DOCK8: variants seen among roughly 807,000 people sequenced by gnomAD.
DOCK8 encodes the protein dedicator of cytokinesis 8, also known as dedicator of cytokinesis protein 8.
DOCK8 carries 141 observed loss-of-function variants against 245.6 expected under a neutral mutation model. The ratio of observed to expected loss-of-function variants is 0.57; its 90% CI spans 0.50 to 0.66. The LOEUF is 0.66. DOCK8 is among the 30% of genes least tolerant of loss of function. The probability of loss-of-function intolerance (pLI) is 0.00; values close to 1 mark genes in which losing one functional copy is unlikely to be tolerated. For missense variants in DOCK8, 2,965 were observed against 2,603.4 expected (o/e 1.14, Z -3.02); for synonymous variants, 1,168 against 970.2 (o/e 1.20, Z -3.79).
chr9:348,464 G>A (rs774881577), intron 14 of DOCK8, among the ~76,000 whole-genome samples: 7 of 152,156 alleles, frequency 4.6e-5, no homozygotes, highest in Admixed American at 1.3e-4. Flanking sequence ...TAAAAGTCCT[G>A]CGGTCGGTTT....
At chr9:329,563 A>G (rs1011085140) in intron 9 of DOCK8, among the ~76,000 whole-genome samples, 1 of 152,220 alleles carries the variant, frequency 6.6e-6, no homozygotes, top group Non-Finnish European at 1.5e-5. Flanking sequence ...AGACACTTCT[A>G]TTGTTGTCAA....
chr9:302,221 C>T (rs559826768), intron 4 of DOCK8, among the ~76,000 whole-genome samples: 7 of 152,242 alleles, frequency 4.6e-5, no homozygotes, highest in Admixed American at 2.6e-4. Context: ...TGATCTTTGA[C>T]GAAGTTGACA....
chr9:459,358 G>T (rs1034886095), intron 46 of DOCK8, among the ~76,000 whole-genome samples: 2 of 152,122 alleles, frequency 1.3e-5, no homozygotes, highest in Non-Finnish European at 2.9e-5. Context: ...CATTATAAAA[G>T]TTTAAAGACA....
chr9:337,704 G>A (rs1444991607), intron 12 of DOCK8, among the ~76,000 whole-genome samples: 2 of 152,170 alleles, frequency 1.3e-5, no homozygotes, highest in African/African-American at 4.8e-5. Flanking sequence ...GAGACAGAAA[G>A]TAGAATGACG....
chr9:346,015 G>A (rs1053606291), intron 14 of DOCK8, among the ~76,000 whole-genome samples: 23 of 151,924 alleles, frequency 1.5e-4, no homozygotes, highest in Admixed American at 1.3e-3. Flanking sequence ...CCAAACCAGC[G>A]GCTCGGGCCC....
intron 14 of DOCK8, chr9:366,553 G>C (rs936274541): frequency 6.6e-6 from 1 of 152,136 alleles, no homozygotes; most frequent in Non-Finnish European, 1.5e-5. Context: ...CTGTGACTAG[G>C]TAAGTTTATC....
chr9:336,741 GTCTGGATTTTTCCCCATACT>G, intron 12 of DOCK8, 23 bp downstream of exon 12: 1 of 1,613,782 alleles, frequency 6.2e-7, no homozygotes, highest in Non-Finnish European at 8.5e-7. Flanking sequence ...ATTACAGTGT[GTCTGGATTTTTCCCCATACT>G]GGCATGGGCA....
At chr9:399,010 T>C in intron 25 of DOCK8, 136 bp from the exon 26 acceptor site, 1 of 749,410 alleles carries the variant, frequency 1.3e-6, no homozygotes, top group Non-Finnish European at 2.3e-6. Context: ...GAGACTCAAC[T>C]ACTTCGCCCA....
At chr9:392,781 A>G (rs1554689535) in intron 24 of DOCK8, among the ~76,000 whole-genome samples, 1 of 152,152 alleles carries the variant, frequency 6.6e-6, no homozygotes, top group Non-Finnish European at 1.5e-5. Flanking sequence ...GGACTGGGCC[A>G]TAAGACCCAT....
intron 45 of DOCK8, 26 bp from the exon 46 acceptor site, chr9:451,973 ATATATTTTTTTT>A (rs762646543): frequency 6.4e-4 from 238 of 369,504 alleles, no homozygotes; most frequent in African/African-American, 4.5e-3. Flanking sequence ...ATATATATAT[ATATATTTTTTTT>A]TTTTTTTTTT....
At chr9:413,325 A>G (rs977149053) in intron 28 of DOCK8, among the ~76,000 whole-genome samples, 1 of 152,216 alleles carries the variant, frequency 6.6e-6, no homozygotes, top group Non-Finnish European at 1.5e-5. Flanking sequence ...TATAGAGGTA[A>G]TCATCATAGA....
intron 14 of DOCK8, among the ~76,000 whole-genome samples, chr9:349,969 G>A (rs934947404): frequency 2.0e-5 from 3 of 152,088 alleles, no homozygotes; most frequent in Non-Finnish European, 4.4e-5. Context: ...CCCTCCAATA[G>A]CTCTTCTGAG....
intron 4 of DOCK8, among the ~76,000 whole-genome samples, chr9:289,910 T>C (rs1327005261): frequency 6.6e-6 from 1 of 152,238 alleles, no homozygotes; most frequent in Non-Finnish European, 1.5e-5. Context: ...GACATGTATA[T>C]GCCTTTACAG....
chr9:377,978 G>T (rs970221139), intron 20 of DOCK8, among the ~76,000 whole-genome samples: 1 of 152,186 alleles, frequency 6.6e-6, no homozygotes, highest in Non-Finnish European at 1.5e-5. Context: ...ATTTTCAGCT[G>T]TGCCTATATA....
At position 333,429 on chromosome 9, in the gene DOCK8, G is replaced by T. The variant is rs144931074; in HGVS notation, c.1126-796G>T. ...ATCCTGGCCAACACGGTGAAACCCC[G>T]TCTCTGCTAAAAATACAAAAAATTA... On this transcript the variant is annotated intron_variant, in intron 10 of 47. Transcript: ENST00000432829. Among the ~76,000 whole-genome samples the T allele has an allele frequency of 1.8e-3, 280 of 152,018 alleles. 1 individual carries two copies. The highest frequency in any genetic ancestry group is 3.3e-3 in the Non-Finnish European group (224 of 68,012).
At chr9:232,504 T>C (rs984337054) in intron 1 of DOCK8, among the ~76,000 whole-genome samples, 9 of 152,318 alleles carry the variant, frequency 5.9e-5, no homozygotes, top group African/African-American at 1.7e-4. Flanking sequence ...TGGTAGAATT[T>C]GGCTGTGAAT....
chr9:463,695 C>G lies in DOCK8; in HGVS notation c.6239+8C>G. 1 of 1,613,762 alleles carries G rather than the reference C, an allele frequency of 6.2e-7. No homozygotes were observed. The highest frequency in any genetic ancestry group is 8.5e-7 in the Non-Finnish European group (1 of 1,180,024). On this transcript the variant is annotated splice_region_variant and intron_variant, in intron 47 of 47. Transcript: ENST00000432829. ...AGTTGAGAGTCAAAAGAGGTAAGAA[C>G]AGGGCAGAGGAGGCCTCTTCCTGTG...
At chr9:284,533 C>T (rs1405266600) in intron 2 of DOCK8, 2 of 152,256 alleles carry the variant, frequency 1.3e-5, no homozygotes, top group Admixed American at 1.3e-4. Flanking sequence ...CTGTCACCTT[C>T]TCTTCTGCCC....
chr9:439,943 C>G (rs1322378583), intron 40 of DOCK8, among the ~76,000 whole-genome samples: 1 of 152,128 alleles, frequency 6.6e-6, no homozygotes, highest in African/African-American at 2.4e-5. Flanking sequence ...CTAAACACTC[C>G]TAGTATATAT....
Sources: allele counts gnomAD v4.1 joint callset (sites outside exome capture counted in the v4.1 genomes callset), GRCh38; gene constraint gnomAD v4.1.1; transcripts MANE v1.5; gene names NCBI Gene and HGNC (gene_info 2026-07-23, HGNC 2026-07-21).